SLC13A4: variants seen among roughly 807,000 people sequenced by gnomAD.
The protein encoded by SLC13A4 is solute carrier family 13 member 4, also known as Na(+)/sulfate cotransporter SUT-1.
In SLC13A4, 28 loss-of-function variants were observed where a neutral mutation model predicts 72.7. The ratio of observed to expected loss-of-function variants is 0.39; its 90% CI spans 0.29 to 0.53. The LOEUF is 0.53. SLC13A4 is among the 20% of genes least tolerant of loss of function. SLC13A4 has a pLI of 0.78. For synonymous variants in SLC13A4, 312 were observed against 325.5 expected (o/e 0.96, Z 0.45); for missense variants, 653 against 788.0 (o/e 0.83, Z 2.05).
chr7:135,686,738 A>T (rs1227699625), intron 13 of SLC13A4, among the ~76,000 whole-genome samples: 1 of 152,186 alleles, frequency 6.6e-6, no homozygotes, highest in South Asian at 2.1e-4. Flanking sequence ...TCCACTAGCA[A>T]CAGTTACACA....
At position 135,705,500 on chromosome 7, in the gene SLC13A4, A is replaced by G; in HGVS notation, c.593+96T>C. The G allele has an allele frequency of 3.5e-6, 4 of 1,150,924 alleles. No homozygotes were observed. The Admixed American group carries it at 7.3e-5, about 21-fold the overall frequency. The allele number at this position is 1,150,924 out of a possible 1,614,324, so 71.3% of individuals were successfully genotyped here. On this transcript the variant is annotated intron_variant, in intron 5 of 15. Coordinates refer to ENST00000682651, the MANE Select transcript of SLC13A4 (RefSeq NM_001318192.2). ...GCAAGGTGGTGAGCTTGGGTGGTAC[A>G]TCTCAAAGAGCTGTTTATGGGTCTA...
intron 14 of SLC13A4, 128 bp from the exon 15 acceptor site, chr7:135,684,389 G>C: frequency 9.2e-7 from 1 of 1,087,806 alleles, no homozygotes; most frequent in Non-Finnish European, 1.3e-6. Context: ...TGGAGGGGTA[G>C]TTAGGTCTCT....
Position 135,691,153 on chromosome 7 carries a change from G to A in SLC13A4, c.1446+48C>T, listed in dbSNP as rs1345053325. 3 of 1,540,236 alleles carry A rather than the reference G, an allele frequency of 1.9e-6. No homozygotes were observed. The African/African-American group carries it at 4.2e-5, about 22-fold the overall frequency. ...CACTCCAGCCTGGGTGACAGAGCAA[G>A]ACTGTCTCAAAAAAAAAAACCCCAA... On this transcript the variant is annotated intron_variant, in intron 13 of 15. Transcript: ENST00000682651.
intron 13 of SLC13A4, among the ~76,000 whole-genome samples, chr7:135,687,623 A>G (rs1045985847): frequency 6.6e-6 from 1 of 152,192 alleles, no homozygotes; most frequent in Non-Finnish European, 1.5e-5. Flanking sequence ...GCATCAATTA[A>G]TGCTTGTTTC....
At chr7:135,686,313 C>T (rs568561477) in intron 13 of SLC13A4, among the ~76,000 whole-genome samples, 2 of 152,216 alleles carry the variant, frequency 1.3e-5, no homozygotes, top group South Asian at 4.1e-4. Flanking sequence ...TCATTCAGCC[C>T]CAACCTGTTT....
chr7:135,725,478 C>T (rs1051790484), intron 1 of SLC13A4, among the ~76,000 whole-genome samples: 1 of 152,098 alleles, frequency 6.6e-6, no homozygotes, highest in African/African-American at 2.4e-5. Flanking sequence ...GTGTCTGGAC[C>T]TCTAGTTTTA....
chr7:135,694,248 G>A lies in SLC13A4; in HGVS notation c.1020-10C>T, dbSNP rs149739089. 3.0e-3 allele frequency: 4,505 copies of A among 1,514,788 alleles called. 162 individuals are homozygous for A. In the Admixed American group the frequency reaches 0.064, roughly 21 times the overall value. 93.8% of individuals were successfully genotyped at this position (1,514,788 alleles called of 1,614,324 possible). A position where few individuals can be genotyped will look rare whatever the true frequency, so the allele number is the denominator to read the frequency against. On this transcript the variant is annotated splice_polypyrimidine_tract_variant and intron_variant, in intron 9 of 15. Coordinates refer to ENST00000682651, the MANE Select transcript of SLC13A4 (RefSeq NM_001318192.2). Reference sequence around the variant, plus strand: ...GCAGGTCTCTTTAAAACTGAGAAGGGAGAATGAGCAAATGATTAAAGAAAA... The same window carrying A: ...GCAGGTCTCTTTAAAACTGAGAAGGAAGAATGAGCAAATGATTAAAGAAAA...
chr7:135,710,720 C>T lies in SLC13A4; in HGVS notation c.229-2470G>A, dbSNP rs1022424903. Among the ~76,000 whole-genome samples, 20 of 152,190 alleles carry T rather than the reference C, an allele frequency of 1.3e-4. 1 individual carries two copies. Among genetic ancestry groups the T allele is most frequent in the African/African-American group, 4.8e-4 (20 of 41,432 alleles). On this transcript the variant is annotated intron_variant, in intron 2 of 15. Coordinates refer to ENST00000682651, the MANE Select transcript of SLC13A4 (RefSeq NM_001318192.2). Reference sequence around the variant, plus strand: ...AAAACCAAAATAAAGGCAGGCTGCTCCATCTCTCCTTTCTCTCTTTTGCCC... The same window carrying T: ...AAAACCAAAATAAAGGCAGGCTGCTTCATCTCTCCTTTCTCTCTTTTGCCC...
chr7:135,706,991 C>T (rs983460301), intron 3 of SLC13A4, among the ~76,000 whole-genome samples: 1 of 152,186 alleles, frequency 6.6e-6, no homozygotes, highest in African/African-American at 2.4e-5. Context: ...TCCTAGTTTC[C>T]ATAAGATAAG....
At chr7:135,717,175 CTT>C (rs997671967) in intron 2 of SLC13A4, among the ~76,000 whole-genome samples, 34 of 152,324 alleles carry the variant, frequency 2.2e-4, no homozygotes, top group African/African-American at 8.2e-4. Context: ...ATTCAAGATT[CTT>C]TAGGTTCAGC....
Position 135,686,929 on chromosome 7 carries a change from C to T in SLC13A4, c.1447-1246G>A, listed in dbSNP as rs182476800. On this transcript the variant is annotated intron_variant, in intron 13 of 15. Coordinates refer to ENST00000682651, the MANE Select transcript of SLC13A4 (RefSeq NM_001318192.2). Reference sequence around the variant, plus strand: ...AAAATTAGCTAGGTGTGGTGGCACGCGCCTGTAATCCCAGCTATTCAGGAG... The same window carrying T: ...AAAATTAGCTAGGTGTGGTGGCACGTGCCTGTAATCCCAGCTATTCAGGAG... Among the ~76,000 whole-genome samples the T allele has an allele frequency of 2.0e-3, 310 of 152,090 alleles. 2 individuals carry two copies. The highest frequency in any genetic ancestry group is 3.6e-3 in the Admixed American group (55 of 15,278).
At chr7:135,694,919 GGCATATGA>G (rs1392509308) in intron 9 of SLC13A4, among the ~76,000 whole-genome samples, 5 of 152,116 alleles carry the variant, frequency 3.3e-5, no homozygotes, top group Admixed American at 1.3e-4. Context: ...GTTATTTTGA[GGCATATGA>G]GCATATTTTA....
chr7:135,719,842 C>T (rs1257883872), intron 2 of SLC13A4, among the ~76,000 whole-genome samples: 1 of 138,964 alleles, frequency 7.2e-6, no homozygotes, highest in Non-Finnish European at 1.5e-5. Flanking sequence ...GCCACACACA[C>T]GCATATATAT....
chr7:135,700,129 G>C (rs1795997131), intron 7 of SLC13A4, among the ~76,000 whole-genome samples: 1 of 152,112 alleles, frequency 6.6e-6, no homozygotes, highest in Non-Finnish European at 1.5e-5. Context: ...TTGGGAAGAG[G>C]GTTGAAGTGT....
At chr7:135,718,467 C>A (rs1796478298) in intron 2 of SLC13A4, among the ~76,000 whole-genome samples, 1 of 151,798 alleles carries the variant, frequency 6.6e-6, no homozygotes, top group Admixed American at 6.6e-5. Context: ...TGCTGGGCTA[C>A]AGACAGGCCA....
chr7:135,686,913 T>C (rs1040038195), intron 13 of SLC13A4, among the ~76,000 whole-genome samples: 1 of 151,952 alleles, frequency 6.6e-6, no homozygotes, highest in South Asian at 2.1e-4. Flanking sequence ...AAAAATTAGC[T>C]AGGTGTGGTG....
At chr7:135,700,028 A>C (rs559931817) in intron 7 of SLC13A4, among the ~76,000 whole-genome samples, 1 of 152,190 alleles carries the variant, frequency 6.6e-6, no homozygotes, top group South Asian at 2.1e-4. Flanking sequence ...ACCTCTGAAT[A>C]TCTCTCAAAT....
chr7:135,691,236 C>T lies in SLC13A4; in HGVS notation c.1411G>A (p.Val471Ile), dbSNP rs773438125. The part of the protein sequence containing the change: ...KTMPWEIVIL[V>I]GGGYALASGS... ...GAAGCCAGAGCATAGCCTCCCCCAACCAGAATGACAATCTCCCAGGGCATG... is the reference window on the plus strand; with the variant it reads ...GAAGCCAGAGCATAGCCTCCCCCAATCAGAATGACAATCTCCCAGGGCATG... The change falls in exon 13 of 16, where the codon GTT becomes ATT. Residue 471 changes from valine to isoleucine, a missense_variant. By Grantham distance (29) the Val-to-Ile change is conservative (BLOSUM62 3). Coordinates refer to ENST00000682651, the MANE Select transcript of SLC13A4 (RefSeq NM_001318192.2). 1.2e-6 allele frequency: 2 copies of T among 1,612,810 alleles called. No individual in the cohort carries two copies. Among genetic ancestry groups the T allele is most frequent in the Admixed American group, 1.7e-5 (1 of 59,774 alleles).
At chr7:135,725,973 A>C (rs1046079709) in intron 1 of SLC13A4, among the ~76,000 whole-genome samples, 8 of 152,066 alleles carry the variant, frequency 5.3e-5, no homozygotes, top group African/African-American at 1.4e-4. Flanking sequence ...TGCGTCTACA[A>C]AAAAAAGTTT....
Sources: gnomAD v4.1 joint callset for allele counts (sites outside exome capture counted in the v4.1 genomes callset) on GRCh38, gnomAD v4.1.1 for gene constraint, MANE v1.5 for transcripts, NCBI Gene and HGNC (gene_info 2026-07-23, HGNC 2026-07-21) for gene names.